Variants in GFRA1 observed in about 807,000 individuals in gnomAD.
GFRA1 encodes GDNF family receptor alpha 1.
GFRA1 carries 16 observed loss-of-function variants against 51.6 expected under a neutral mutation model. The ratio of observed to expected loss-of-function variants is 0.31; its 90% confidence interval spans 0.21 to 0.47. The LOEUF is 0.47. Ranked by LOEUF, GFRA1 falls within the 20% of genes least tolerant of loss-of-function variation. The probability of loss-of-function intolerance (pLI) is 1.00; values close to 1 mark genes in which losing one functional copy is unlikely to be tolerated. For synonymous variants in GFRA1, 270 were observed against 241.3 expected (o/e 1.12, Z -1.10); for missense variants, 530 against 594.3 (o/e 0.89, Z 1.13).
chr10:116,094,079 C>G (rs1333860028), intron 7 of GFRA1, among the ~76,000 whole-genome samples: 1 of 152,124 alleles, frequency 6.6e-6, no homozygotes, highest in Non-Finnish European at 1.5e-5. Flanking sequence ...TAGGGTATTC[C>G]TTCCTGCACA....
intron 5 of GFRA1, among the ~76,000 whole-genome samples, chr10:116,127,702 A>C (rs773994954): frequency 2.6e-4 from 39 of 152,338 alleles, no homozygotes; most frequent in South Asian, 4.1e-4. Flanking sequence ...GTGCCCTGAA[A>C]GGGCCACCAG....
In GFRA1 at chr10:116,272,023, G is replaced by A; in HGVS notation, c.7C>T (p.Leu3=). 1 of 1,557,518 alleles carries A rather than the reference G, an allele frequency of 6.4e-7. No homozygotes were observed. Among genetic ancestry groups the A allele is most frequent in the East Asian group, 2.4e-5 (1 of 41,224 alleles). The part of the protein sequence containing the change: MF[L]ATLYFALPLL... The stretch of plus-strand genomic sequence containing the variant: ...GGCAGCGCGAAGTACAGGGTCGCCA[G>A]GAACATGGTGCCGGCGCGGGGCTGG... Residue 3 remains leucine, a synonymous_variant, in exon 2 of 11, where the codon CTG becomes TTG. Transcript: ENST00000355422. The surrounding 1 kb of genome is among the most constrained non-coding windows in gnomAD (Gnocchi z 4.4).
intron 5 of GFRA1, among the ~76,000 whole-genome samples, chr10:116,209,562 C>T (rs758581941): frequency 6.6e-6 from 1 of 152,026 alleles, no homozygotes; most frequent in Non-Finnish European, 1.5e-5. Flanking sequence ...TGCATGGGCC[C>T]CAGACAACGC....
intron 4 of GFRA1, among the ~76,000 whole-genome samples, chr10:116,257,764 G>T (rs941452190): frequency 6.6e-6 from 1 of 151,552 alleles, no homozygotes; most frequent in East Asian, 1.9e-4. Context: ...AAAAATTTCA[G>T]CAATGCTGAG....
chr10:116,157,431 G>A (rs865859271), intron 5 of GFRA1, among the ~76,000 whole-genome samples: 16 of 152,314 alleles, frequency 1.1e-4, no homozygotes, highest in Middle Eastern at 3.4e-3. Context: ...CCAGCAGTCC[G>A]GTGACTGGCA....
chr10:116,128,187 A>G (rs886355617), intron 5 of GFRA1, among the ~76,000 whole-genome samples: 2 of 152,206 alleles, frequency 1.3e-5, no homozygotes, highest in African/African-American at 4.8e-5. Flanking sequence ...TTTCAGCAAA[A>G]TAATATTATC....
At chr10:116,253,302 G>A (rs773709652) in intron 4 of GFRA1, among the ~76,000 whole-genome samples, 2 of 152,206 alleles carry the variant, frequency 1.3e-5, no homozygotes, top group African/African-American at 2.4e-5. Context: ...GCCAGGGCAG[G>A]CACCGGACAG....
At chr10:116,071,959 A>G (rs1471633191) in intron 9 of GFRA1, among the ~76,000 whole-genome samples, 1 of 152,094 alleles carries the variant, frequency 6.6e-6, no homozygotes, top group East Asian at 1.9e-4. Context: ...CAGTTTCCTA[A>G]AAACAGGAGT....
Position 116,195,336 on chromosome 10 carries a change from A to G in GFRA1, c.433+16295T>C, listed in dbSNP as rs184816360. Among the ~76,000 whole-genome samples the G allele has an allele frequency of 5.3e-5, 8 of 152,308 alleles. No individual in the cohort carries two copies. The East Asian group carries it at 1.2e-3, about 22-fold the overall frequency. On this transcript the variant is annotated intron_variant, in intron 5 of 10. Transcript: ENST00000355422. Reference sequence around the variant, plus strand: ...TGTCCTTCAAACTCACAGCCTTTTAATATCTGCTTAACATTCTTGTAGAGC... The same window carrying G: ...TGTCCTTCAAACTCACAGCCTTTTAGTATCTGCTTAACATTCTTGTAGAGC...
intron 5 of GFRA1, among the ~76,000 whole-genome samples, chr10:116,159,260 C>T (rs1388518629): frequency 6.6e-6 from 1 of 152,192 alleles, no homozygotes; most frequent in African/African-American, 2.4e-5. Flanking sequence ...GGACCCCACA[C>T]TGGCCCAGCT....
At position 116,225,691 on chromosome 10, in the gene GFRA1, G is replaced by A. The variant is rs141447503; in HGVS notation, c.419-14046C>T. On this transcript the variant is annotated intron_variant, in intron 4 of 10. Coordinates refer to ENST00000355422, the MANE Select transcript of GFRA1 (RefSeq NM_005264.8). ...AGCAGCCTCTGCCTCCCAAGTTCAA[G>A]CAATTCTCCTGCCTCAGCTCCCCAA... Among the ~76,000 whole-genome samples, 1,038 of 151,426 alleles carry A rather than the reference G, an allele frequency of 6.9e-3. 3 individuals carry two copies. Among genetic ancestry groups the A allele is most frequent in the Admixed American group, 0.01 (158 of 15,222 alleles).
chr10:116,228,288 G>T (rs1409702794), intron 4 of GFRA1, among the ~76,000 whole-genome samples: 1 of 152,196 alleles, frequency 6.6e-6, no homozygotes, highest in Non-Finnish European at 1.5e-5. Context: ...AAGTCTGGAG[G>T]CTTCTGATAA....
At chr10:116,222,151 T>C (rs1031300905) in intron 4 of GFRA1, among the ~76,000 whole-genome samples, 4 of 152,128 alleles carry the variant, frequency 2.6e-5, no homozygotes, top group Admixed American at 2.0e-4. Flanking sequence ...GTGCAGGCAA[T>C]GCACATATGG....
At chr10:116,094,390 TGGAAACAAA>T (rs1462665629) in intron 7 of GFRA1, among the ~76,000 whole-genome samples, 2 of 152,148 alleles carry the variant, frequency 1.3e-5, no homozygotes, top group African/African-American at 4.8e-5. Context: ...GTGAAAGAAC[TGGAAACAAA>T]CAGTGGAAAT....
At chr10:116,173,856 C>T (rs371738145) in intron 5 of GFRA1, among the ~76,000 whole-genome samples, 3 of 124,854 alleles carry the variant, frequency 2.4e-5, no homozygotes, top group African/African-American at 9.2e-5. Context: ...GCGGGCGGAT[C>T]ACCTAAGGTC....
rs1415162341 is a variant in GFRA1 at position 116,179,844 on chromosome 10, T to C, written c.433+31787A>G. 2.0e-5 allele frequency among the ~76,000 whole-genome samples: 3 copies of C among 152,188 alleles called. No individual in the cohort carries two copies. The East Asian group carries it at 5.8e-4, about 29-fold the overall frequency. ...AGCGAGCAGATGCTGTATACAGAGA[T>C]GCACGTTTTGTGCCTACAGAAAGAC... On this transcript the variant is annotated intron_variant, in intron 5 of 10. Transcript: ENST00000355422.
At chr10:116,187,728 C>T (rs952536631) in intron 5 of GFRA1, among the ~76,000 whole-genome samples, 4 of 152,156 alleles carry the variant, frequency 2.6e-5, no homozygotes, top group African/African-American at 2.4e-5. Flanking sequence ...CATCCAGACC[C>T]TTGTCAGGCT....
chr10:116,226,874 T>A, intron 4 of GFRA1: 1 of 228,456 alleles, frequency 4.4e-6, no homozygotes, highest in South Asian at 5.0e-5. Context: ...TAGATCCCTC[T>A]CATGTGCAGT....
At chr10:116,108,122 C>T (rs1339008202) in intron 6 of GFRA1, among the ~76,000 whole-genome samples, 1 of 152,118 alleles carries the variant, frequency 6.6e-6, no homozygotes, top group Non-Finnish European at 1.5e-5. Context: ...CACAAGTTCG[C>T]TTTAAACAGA....
Sources: allele counts gnomAD v4.1 joint callset (sites outside exome capture counted in the v4.1 genomes callset), GRCh38; gene constraint gnomAD v4.1.1; non-coding constraint Gnocchi (gnomAD v3.1); transcripts MANE v1.5; gene names NCBI Gene and HGNC (gene_info 2026-07-23, HGNC 2026-07-21).